The following RUNX1 variants were observed in gnomAD, a reference collection of about 807,000 sequenced individuals.
RUNX1 encodes the protein RUNX family transcription factor 1, also known as runt-related transcription factor 1.
A neutral mutation model predicts 42.8 loss-of-function variants in RUNX1; 19 were observed. That is an observed-to-expected ratio of 0.44 (90% CI 0.31 to 0.65). RUNX1 has a LOEUF of 0.65. Among genes scored for constraint, RUNX1 ranks in the 30% least tolerant of loss-of-function variants. The pLI is 0.07. For synonymous variants in RUNX1, 271 were observed against 289.4 expected, an observed-to-expected ratio of 0.94 and a Z score of 0.64; for missense variants, 528 against 672.0, an observed-to-expected ratio of 0.79 and a Z score of 2.37.
In RUNX1 at chr21:34,953,249, T is replaced by C. The variant is rs539634312; in HGVS notation, c.59-60286A>G. The stretch of plus-strand genomic sequence containing the variant: ...AATTCTGTGTGATACCCAATGTCCA[T>C]TTCCTATTCTTCCTTTCAAAAAGTG... On this transcript the variant is annotated intron_variant, in intron 2 of 8. Transcript: ENST00000675419. Among the ~76,000 whole-genome samples the C allele has an allele frequency of 2.2e-3, 330 of 152,288 alleles. 2 individuals are homozygous for C. The highest frequency in any genetic ancestry group is 7.5e-3 in the African/African-American group (311 of 41,546).
intron 2 of RUNX1, among the ~76,000 whole-genome samples, chr21:34,970,853 A>G (rs1335138008): frequency 6.6e-6 from 1 of 152,184 alleles, no homozygotes; most frequent in Non-Finnish European, 1.5e-5. Flanking sequence ...TTACTCTCGC[A>G]ACTTTCCTGT....
rs191798966 is a variant in RUNX1 at position 34,921,795 on chromosome 21, C to T, written c.59-28832G>A. Among the ~76,000 whole-genome samples, 69 of 152,124 alleles carry T rather than the reference C, an allele frequency of 4.5e-4. 1 individual carries two copies. The South Asian group carries it at 8.9e-3, about 20-fold the overall frequency. On this transcript the variant is annotated intron_variant, in intron 2 of 8. Coordinates refer to ENST00000675419, the MANE Select transcript of RUNX1 (RefSeq NM_001754.5). ...TACAGGTGTGCACCACCATACCTGGCGAATTTTTTTGTATTTTTAGTGGAG... is the reference window on the plus strand; with the variant it reads ...TACAGGTGTGCACCACCATACCTGGTGAATTTTTTTGTATTTTTAGTGGAG...
chr21:35,048,254 C>T (rs977838908), intron 2 of RUNX1, among the ~76,000 whole-genome samples: 3 of 152,228 alleles, frequency 2.0e-5, no homozygotes, highest in Admixed American at 2.0e-4. Context: ...TGATTTTAAC[C>T]TAACCAAGTC....
Position 35,003,528 on chromosome 21 carries a change from TTTA to T in RUNX1, c.58+45311_58+45313del, listed in dbSNP as rs781645184. Among the ~76,000 whole-genome samples the T allele has an allele frequency of 3.5e-3, 502 of 143,936 alleles. 3 individuals are homozygous for T. Among genetic ancestry groups the T allele is most frequent in the Middle Eastern group, 7.1e-3 (2 of 280 alleles). The allele number at this position is 143,936 out of a possible 152,430, so 94.4% of individuals were successfully genotyped here. A position where few individuals can be genotyped will look rare whatever the true frequency, so the allele number is the denominator to read the frequency against. ...GAAGGAGAAAAGCTGTCTTTTTTTT[TTTA>T]AAAAAAAAGATGACTCAACCATGTC... is the stretch of plus-strand genomic sequence containing the variant. On this transcript the variant is annotated intron_variant, in intron 2 of 8. Coordinates refer to ENST00000675419, the MANE Select transcript of RUNX1 (RefSeq NM_001754.5).
At chr21:34,904,022 T>A (rs2058198173) in intron 2 of RUNX1, among the ~76,000 whole-genome samples, 1 of 152,198 alleles carries the variant, frequency 6.6e-6, no homozygotes, top group African/African-American at 2.4e-5. Flanking sequence ...ACAATTGATA[T>A]TCAATAAATG....
At chr21:34,939,510 C>G (rs1006657511) in intron 2 of RUNX1, among the ~76,000 whole-genome samples, 1 of 152,152 alleles carries the variant, frequency 6.6e-6, no homozygotes, top group Admixed American at 6.5e-5. Flanking sequence ...CCAGGCAAAT[C>G]CGGGTCCACC....
chr21:34,945,191 C>T (rs1234106288), intron 2 of RUNX1, among the ~76,000 whole-genome samples: 2 of 152,200 alleles, frequency 1.3e-5, no homozygotes. Context: ...ATAGTATGCA[C>T]ACATCTACAG....
intron 2 of RUNX1, among the ~76,000 whole-genome samples, chr21:35,048,490 G>A (rs574053444): frequency 2.0e-5 from 3 of 152,174 alleles, no homozygotes; most frequent in African/African-American, 7.2e-5. Flanking sequence ...CAGGCATTCC[G>A]GGCAAGGGAC....
chr21:34,841,229 C>T (rs780090566), intron 6 of RUNX1, among the ~76,000 whole-genome samples: 1 of 152,174 alleles, frequency 6.6e-6, no homozygotes, highest in Non-Finnish European at 1.5e-5. Flanking sequence ...CTAGCTCATG[C>T]CCCTAAGCCT....
chr21:34,937,666 T>C (rs1396295314), intron 2 of RUNX1, among the ~76,000 whole-genome samples: 1 of 151,318 alleles, frequency 6.6e-6, no homozygotes, highest in Non-Finnish European at 1.5e-5. Flanking sequence ...TCATCTTTTA[T>C]ACCTGCTTCT....
intron 2 of RUNX1, among the ~76,000 whole-genome samples, chr21:34,970,518 C>T (rs2058756186): frequency 6.6e-6 from 1 of 152,112 alleles, no homozygotes. Flanking sequence ...CCTTTGCCCT[C>T]AAAAGTCACC....
In RUNX1 at chr21:34,792,209, C is replaced by A; in HGVS notation, c.1369G>T (p.Gly457Cys). ...TTGGTGGGGGAGTTGCTGTGGCTGC[C>A]CTCGGCCTCCACCACGTCGCTCTGG... ...PNQSDVVEAE[G>C]SHSNSPTNMA... The change falls in exon 9 of 9, where the codon GGC (glycine) becomes TGC (cysteine). Residue 457 changes from glycine to cysteine, a missense_variant. By Grantham distance (159) the Gly-to-Cys change is radical. Transcript: ENST00000675419. This position sits in a 1 kb window ranked among gnomAD's most constrained non-coding sequence, Gnocchi z 6.9. The A allele has an allele frequency of 6.5e-7, 1 of 1,538,646 alleles. No homozygotes were observed. Among genetic ancestry groups the A allele is most frequent in the East Asian group, 2.4e-5 (1 of 41,462 alleles).
intron 7 of RUNX1, among the ~76,000 whole-genome samples, chr21:34,800,462 C>T (rs758756235): frequency 2.0e-5 from 3 of 152,172 alleles, no homozygotes; most frequent in Non-Finnish European, 4.4e-5. Flanking sequence ...AGTGAACTAC[C>T]GTAACTCCCA....
At chr21:34,818,004 C>G (rs1021922534) in intron 7 of RUNX1, among the ~76,000 whole-genome samples, 1 of 152,174 alleles carries the variant, frequency 6.6e-6, no homozygotes, top group Non-Finnish European at 1.5e-5. Flanking sequence ...GAACAGTTTG[C>G]GGTTTCATCA....
At chr21:34,848,872 G>A (rs1272760442) in intron 6 of RUNX1, among the ~76,000 whole-genome samples, 3 of 152,174 alleles carry the variant, frequency 2.0e-5, no homozygotes, top group Non-Finnish European at 4.4e-5. Context: ...TCAAAGGTAA[G>A]TGAAAATAAG....
At chr21:34,844,784 G>A (rs1272736581) in intron 6 of RUNX1, among the ~76,000 whole-genome samples, 3 of 152,216 alleles carry the variant, frequency 2.0e-5, no homozygotes, top group East Asian at 3.8e-4. Flanking sequence ...AACAGCATCT[G>A]ACTCTGACGC....
intron 6 of RUNX1, among the ~76,000 whole-genome samples, chr21:34,852,835 T>C (rs1438121684): frequency 1.3e-5 from 2 of 152,222 alleles, no homozygotes; most frequent in Non-Finnish European, 2.9e-5. Flanking sequence ...TAGCTCATCA[T>C]TCACTACCTG....
At chr21:34,844,906 C>G (rs2057295057) in intron 6 of RUNX1, among the ~76,000 whole-genome samples, 1 of 152,218 alleles carries the variant, frequency 6.6e-6, no homozygotes, top group South Asian at 2.1e-4. Flanking sequence ...CCTGGCCACT[C>G]ACAGCTCCTG....
intron 5 of RUNX1, among the ~76,000 whole-genome samples, chr21:34,868,957 TC>T (rs2057700705): frequency 6.6e-6 from 1 of 152,162 alleles, no homozygotes; most frequent in African/African-American, 2.4e-5. Context: ...CATCACAGGG[TC>T]AATGCCCAAT....
Sources: allele counts gnomAD v4.1 joint callset (sites outside exome capture counted in the v4.1 genomes callset), GRCh38; gene constraint gnomAD v4.1.1; non-coding constraint Gnocchi (gnomAD v3.1); transcripts MANE v1.5; gene names NCBI Gene and HGNC (gene_info 2026-07-23, HGNC 2026-07-21).